Variants in HCN1 observed in about 807,000 individuals in gnomAD.
The protein encoded by HCN1 is hyperpolarization activated cyclic nucleotide gated potassium channel 1, also known as potassium/sodium hyperpolarization-activated cyclic nucleotide-gated channel 1.
A neutral mutation model predicts 78.9 loss-of-function variants in HCN1; 13 were observed. That is an observed-to-expected ratio of 0.16 (90% CI 0.11 to 0.26). HCN1 has a LOEUF of 0.26. HCN1 is among the 10% of genes least tolerant of loss of function. HCN1 has a pLI of 1.00. For missense variants in HCN1, 810 were observed against 1,154.3 expected, an observed-to-expected ratio of 0.70 and a Z score of 4.32; for synonymous variants, 552 against 455.5, an observed-to-expected ratio of 1.21 and a Z score of -2.70.
At chr5:45,605,019 G>T (rs1744697864) in intron 2 of HCN1, among the ~76,000 whole-genome samples, 1 of 151,948 alleles carries the variant, frequency 6.6e-6, no homozygotes, top group Non-Finnish European at 1.5e-5. Context: ...TATATTACCT[G>T]CTATTAACAT....
chr5:45,267,344 T>C lies in HCN1; in HGVS notation c.1619-91A>G, dbSNP rs1178796741. On this transcript the variant is annotated intron_variant, in intron 6 of 7. Coordinates refer to ENST00000303230, the MANE Select transcript of HCN1 (RefSeq NM_021072.4). ...TTCCCACAACTTAAAACAAGTCTCA[T>C]GGTGTGAAAAAACAATTATTAGCAG... 1.7e-5 allele frequency: 21 copies of C among 1,209,004 alleles called. 1 individual carries two copies. In the East Asian group the frequency reaches 3.3e-4, roughly 19 times the overall value. 74.9% of individuals were successfully genotyped at this position (1,209,004 alleles called of 1,614,324 possible). A position where few individuals can be genotyped will look rare whatever the true frequency, so the allele number is the denominator to read the frequency against.
chr5:45,305,733 G>A (rs1038623206), intron 5 of HCN1, among the ~76,000 whole-genome samples: 2 of 149,772 alleles, frequency 1.3e-5, no homozygotes, highest in African/African-American at 2.5e-5. Flanking sequence ...AAGGAAAGAA[G>A]GAAGGGATAA....
rs559186116 is a variant in HCN1 at position 45,374,146 on chromosome 5, A to G, written c.1231-20900T>C. ...ATATAATATATATTATATACATATT[A>G]TATATAATATACATTATATACATAA... On this transcript the variant is annotated intron_variant, in intron 4 of 7. Transcript: ENST00000303230. Among the ~76,000 whole-genome samples, 1,125 of 118,596 alleles carry G rather than the reference A, an allele frequency of 9.5e-3. 23 individuals are homozygous for G. Among genetic ancestry groups the G allele is most frequent in the African/African-American group, 0.035 (1,070 of 30,806 alleles). The allele number at this position is 118,596 out of a possible 152,430, so 77.8% of individuals were successfully genotyped here. A position where few individuals can be genotyped will look rare whatever the true frequency, so the allele number is the denominator to read the frequency against.
chr5:45,551,258 G>A (rs1743362368), intron 2 of HCN1, among the ~76,000 whole-genome samples: 1 of 151,836 alleles, frequency 6.6e-6, no homozygotes, highest in African/African-American at 2.4e-5. Context: ...AGCACTAATA[G>A]ACAGCAAACT....
chr5:45,523,903 G>A (rs1259107258), intron 2 of HCN1, among the ~76,000 whole-genome samples: 1 of 152,142 alleles, frequency 6.6e-6, no homozygotes, highest in East Asian at 1.9e-4. Flanking sequence ...TGTTGCCATT[G>A]CTTTTGGGGT....
chr5:45,262,135 G>C lies in HCN1; in HGVS notation c.2459C>G (p.Thr820Arg), dbSNP rs1362460579. 1 of 1,613,376 alleles carries C rather than the reference G, an allele frequency of 6.2e-7. No individual in the cohort carries two copies. ...CTGAAGGCCCGTTCCGGGGACCGCC[G>C]TCACGGGTTGAGGGATGGAGGCCAG... ...ESLASIPQPV[T>R]AVPGTGLQAG... Residue 820 changes from threonine to arginine, a missense_variant, in exon 8 of 8, where the codon ACG becomes AGG. Physicochemically the swap from Thr to Arg is moderately conservative, Grantham distance 71. Around this residue, in one of 6 missense-constraint regions of HCN1, gnomAD observed 398 missense variants for 381.3 expected, o/e 1.04. Coordinates refer to ENST00000303230, the MANE Select transcript of HCN1 (RefSeq NM_021072.4).
chr5:45,374,270 T>TATTATATAC (rs1370899874), intron 4 of HCN1, among the ~76,000 whole-genome samples: 16 of 114,010 alleles, frequency 1.4e-4, no homozygotes, highest in Non-Finnish European at 2.7e-4. Flanking sequence ...ATAACATATA[T>TATTATATAC]ATTATATACA....
At chr5:45,576,400 A>C (rs1009270928) in intron 2 of HCN1, 1 of 152,150 alleles carries the variant, frequency 6.6e-6, no homozygotes, top group African/African-American at 2.4e-5. Flanking sequence ...AAGTTCTACC[A>C]TGTGTAAAAT....
intron 5 of HCN1, among the ~76,000 whole-genome samples, chr5:45,323,712 C>G (rs1460243485): frequency 1.3e-5 from 2 of 151,892 alleles, no homozygotes; most frequent in Non-Finnish European, 2.9e-5. Flanking sequence ...CTATCCCTCC[C>G]CCATCCCCCA....
At chr5:45,657,680 C>A (rs149288314) in intron 1 of HCN1, among the ~76,000 whole-genome samples, 6,212 of 152,132 alleles carry the variant, frequency 0.041, 443 homozygotes, top group African/African-American at 0.14. Context: ...ATCCAACTTA[C>A]AAGGGATGTG....
rs118134844 is a variant in HCN1 at position 45,344,619 on chromosome 5, C to T, written c.1377+8481G>A. 6.2e-4 allele frequency among the ~76,000 whole-genome samples: 95 copies of T among 152,242 alleles called. No homozygotes were observed. The East Asian group carries it at 0.016, about 26-fold the overall frequency. On this transcript the variant is annotated intron_variant, in intron 5 of 7. Coordinates refer to ENST00000303230, the MANE Select transcript of HCN1 (RefSeq NM_021072.4). Reference sequence around the variant, plus strand: ...AAAATGAAGAGGTAAAGGCCTCATGCAAATCCAAAATAAGCAGGGCAGTCA... The same window carrying T: ...AAAATGAAGAGGTAAAGGCCTCATGTAAATCCAAAATAAGCAGGGCAGTCA...
At chr5:45,548,125 G>C (rs572567716) in intron 2 of HCN1, among the ~76,000 whole-genome samples, 2 of 151,392 alleles carry the variant, frequency 1.3e-5, no homozygotes, top group Non-Finnish European at 2.9e-5. Flanking sequence ...TTTAATAATT[G>C]TGTTTTAATA....
At chr5:45,450,276 C>T (rs1390742508) in intron 3 of HCN1, among the ~76,000 whole-genome samples, 2 of 152,136 alleles carry the variant, frequency 1.3e-5, no homozygotes, top group African/African-American at 4.8e-5. Flanking sequence ...AACAATGAAA[C>T]TGAAGCAAAG....
intron 2 of HCN1, among the ~76,000 whole-genome samples, chr5:45,467,330 C>G (rs1030862792): frequency 3.3e-5 from 5 of 152,020 alleles, no homozygotes; most frequent in Non-Finnish European, 7.4e-5. Flanking sequence ...CAACGTCACA[C>G]GTTATTTGTC....
chr5:45,550,905 TTCATA>T (rs1743354540), intron 2 of HCN1, among the ~76,000 whole-genome samples: 1 of 151,972 alleles, frequency 6.6e-6, no homozygotes, highest in Non-Finnish European at 1.5e-5. Flanking sequence ...TAGGAAACCA[TTCATA>T]AAATCACAGC....
intron 4 of HCN1, among the ~76,000 whole-genome samples, chr5:45,372,256 T>A (rs1165066287): frequency 2.7e-5 from 2 of 73,100 alleles, no homozygotes; most frequent in Non-Finnish European, 4.5e-5. Flanking sequence ...ATATAATATA[T>A]ATTTATATAT....
chr5:45,385,863 G>A (rs1374998433), intron 4 of HCN1, among the ~76,000 whole-genome samples: 1 of 152,178 alleles, frequency 6.6e-6, no homozygotes, highest in African/African-American at 2.4e-5. Context: ...GTGACTCAGA[G>A]CCTCATTTCC....
intron 1 of HCN1, among the ~76,000 whole-genome samples, chr5:45,688,348 ACTAT>A (rs1039943320): frequency 2.4e-4 from 36 of 152,238 alleles, no homozygotes; most frequent in African/African-American, 7.5e-4. Context: ...CCCAGTTCTT[ACTAT>A]CTATCTATGT....
chr5:45,272,286 T>C (rs758355140), intron 6 of HCN1, among the ~76,000 whole-genome samples: 4 of 152,080 alleles, frequency 2.6e-5, no homozygotes, highest in Non-Finnish European at 5.9e-5. Context: ...GGTGTTTAAA[T>C]AAAGGATATA....
Sources: gnomAD v4.1 joint callset for allele counts (sites outside exome capture counted in the v4.1 genomes callset) on GRCh38, gnomAD v4.1.1 for gene constraint, gnomAD v4.1.1 regional missense constraint, MANE v1.5 for transcripts, NCBI Gene and HGNC (gene_info 2026-07-23, HGNC 2026-07-21) for gene names.